Variants in GSTT4 observed in about 807,000 individuals in gnomAD.
GSTT4 encodes glutathione S-transferase theta 4, also known as glutathione S-transferase theta-4.
At chr22:23,997,925 T>C (rs2034133838), downstream of GSTT4, among the ~76,000 whole-genome samples, 1 of 152,214 alleles carries the variant, frequency 6.6e-6, no homozygotes, top group African/African-American at 2.4e-5. Flanking sequence ...CTTTAACCCA[T>C]TTGTTGTTTA....
chr22:23,997,034 T>G (rs2034123432), downstream of GSTT4, among the ~76,000 whole-genome samples: 6 of 152,076 alleles, frequency 3.9e-5, no homozygotes, highest in Admixed American at 2.0e-4. Context: ...TATTAAAATT[T>G]TATCTTTCTT....
At chr22:23,999,844 C>T (rs1167715720) in intron 4 of GSTT4, among the ~76,000 whole-genome samples, 3 of 151,870 alleles carry the variant, frequency 2.0e-5, no homozygotes, top group Non-Finnish European at 4.4e-5. Flanking sequence ...CCTCCCACAC[C>T]GAAGAATCTT....
At chr22:23,995,581 A>G (rs1004648264), downstream of GSTT4, among the ~76,000 whole-genome samples, 6 of 152,130 alleles carry the variant, frequency 3.9e-5, no homozygotes, top group African/African-American at 1.4e-4. Context: ...TGATTGATCC[A>G]CCTTCCCTTG....
At chr22:23,996,819 T>G (rs980899161), downstream of GSTT4, among the ~76,000 whole-genome samples, 1 of 152,184 alleles carries the variant, frequency 6.6e-6, no homozygotes, top group African/African-American at 2.4e-5. Flanking sequence ...TTTTCTGTCT[T>G]TGGTATCAGA....
At chr22:23,995,795 G>T (rs1328704042), downstream of GSTT4, among the ~76,000 whole-genome samples, 2 of 152,118 alleles carry the variant, frequency 1.3e-5, no homozygotes, top group East Asian at 3.8e-4. Context: ...GTGTTGAAAT[G>T]TTGCTTTTCT....
chr22:23,996,093 G>A (rs549604444), downstream of GSTT4, among the ~76,000 whole-genome samples: 4 of 151,924 alleles, frequency 2.6e-5, no homozygotes, highest in Non-Finnish European at 5.9e-5. Flanking sequence ...ACAGGCATGC[G>A]CCACCACGCC....
chr22:23,995,933 C>T (rs1434097603), downstream of GSTT4, among the ~76,000 whole-genome samples: 5 of 151,996 alleles, frequency 3.3e-5, 1 homozygote, highest in African/African-American at 7.3e-5. Flanking sequence ...TTGTACCCTG[C>T]AACCTTGCTG....
the GSTT4 span, among the ~76,000 whole-genome samples, chr22:23,990,882 G>A: frequency 1.8e-3 from 122 of 67,472 alleles, no homozygotes; most frequent in Admixed American, 4.6e-3. Flanking sequence ...TATTAAAATA[G>A]ACAACCAGTG....
downstream of GSTT4, among the ~76,000 whole-genome samples, chr22:23,994,708 G>C (rs2034099040): frequency 6.6e-6 from 1 of 151,828 alleles, no homozygotes; most frequent in South Asian, 2.1e-4. Flanking sequence ...CCACAACAAT[G>C]TGAGCACTAA....
rs566966548 is a variant in GSTT4, at chr22:23,999,168, G to A, written c.529-429C>T. 4.6e-5 allele frequency among the ~76,000 whole-genome samples: 7 copies of A among 152,222 alleles called. No homozygotes were observed. The South Asian group carries it at 8.3e-4, about 18-fold the overall frequency. Reference sequence around the variant, plus strand: ...CAGGGGCTAGGATGGGAGACCTGGCGGGCAGTCTACCCTGCAGTTTCGCTG... The same window carrying A: ...CAGGGGCTAGGATGGGAGACCTGGCAGGCAGTCTACCCTGCAGTTTCGCTG... On this transcript the variant is annotated intron_variant, in intron 4 of 4. Transcript: ENST00000621179.
chr22:23,992,526 G>A, the GSTT4 span, among the ~76,000 whole-genome samples: 1 of 143,884 alleles, frequency 7.0e-6, no homozygotes, highest in South Asian at 2.2e-4. Flanking sequence ...AGCAGTGTCG[G>A]CCTTGTGGGC....
the GSTT4 span, among the ~76,000 whole-genome samples, chr22:23,992,558 C>A: frequency 2.0e-5 from 3 of 151,280 alleles, no homozygotes; most frequent in East Asian, 5.9e-4. Context: ...AAGGGCCATG[C>A]ACTTGGTTTA....
At chr22:23,991,698 C>T in the GSTT4 span, among the ~76,000 whole-genome samples, 16 of 142,128 alleles carry the variant, frequency 1.1e-4, no homozygotes, top group South Asian at 2.7e-3. Context: ...CAATCAGTGG[C>T]GTGTCTGCTC....
rs2034198067 is a variant in GSTT4, at chr22:24,000,229, C to T, written c.374G>A (p.Gly125Glu). ...WLKLLIPKITGEEVSAEKMEH... is the reference protein window; with the variant it reads ...WLKLLIPKITEEEVSAEKMEH... ...CATCTTCTCAGCTGAAACTTCCTCC[C>T]CTGTTATCTTTGGGATCAGCAACTG... The change falls in exon 4 of 5, where the codon GGG becomes GAG. Residue 125 changes from glycine to glutamate, a missense_variant. By Grantham distance (98) the Gly-to-Glu change is moderately conservative. Coordinates refer to ENST00000621179, the MANE Select transcript of GSTT4 (RefSeq NM_001358664.2). 3 of 154,024 alleles carry T rather than the reference C, an allele frequency of 1.9e-5. No individual in the cohort carries two copies. The highest frequency in any genetic ancestry group is 1.3e-4 in the Admixed American group (2 of 15,270). The allele number at this position is 154,024 out of a possible 1,614,324, so 9.5% of individuals were successfully genotyped here.
chr22:23,996,923 C>A (rs2034122136), downstream of GSTT4, among the ~76,000 whole-genome samples: 1 of 151,992 alleles, frequency 6.6e-6, no homozygotes, highest in South Asian at 2.1e-4. Context: ...GTTCTTCAAG[C>A]TTTTGGTTGA....
At chr22:24,000,871 C>A (rs2034215480) in intron 3 of GSTT4, among the ~76,000 whole-genome samples, 1 of 111,378 alleles carries the variant, frequency 9.0e-6, no homozygotes, top group African/African-American at 4.1e-5. Flanking sequence ...TTCTGTGGGC[C>A]TTTTGACGCT....
chr22:24,005,096 G>A (rs5751792), intron 1 of GSTT4, 149 bp downstream of exon 1: 62,616 of 150,602 alleles, frequency 0.42, 14,937 homozygotes, highest in South Asian at 0.56. Context: ...ACCCAGCAGA[G>A]GTTGCAGTGA....
At chr22:23,993,183 C>G in the GSTT4 span, among the ~76,000 whole-genome samples, 3 of 152,340 alleles carry the variant, frequency 2.0e-5, no homozygotes, top group Admixed American at 6.5e-5. Flanking sequence ...TGTGGCCTAG[C>G]TGCTTCATAT....
intron 2 of GSTT4, among the ~76,000 whole-genome samples, chr22:24,003,140 C>CTTTTT (rs1032425765): frequency 3.2e-4 from 45 of 139,762 alleles, no homozygotes; most frequent in Middle Eastern, 3.7e-3. Context: ...CAGCCTGTTG[C>CTTTTT]TTTTTTTTTG....
Sources: gnomAD v4.1 joint callset for allele counts (sites outside exome capture counted in the v4.1 genomes callset) on GRCh38, gnomAD v4.1.1 for gene constraint, MANE v1.5 for transcripts, NCBI Gene and HGNC (gene_info 2026-07-23, HGNC 2026-07-21) for gene names.